Variants in ENAM observed in about 807,000 individuals in gnomAD.
The protein encoded by ENAM is amelogenesis imperfecta 2, hypocalcification (autosomal dominant).
In ENAM, 21 loss-of-function variants were observed where a neutral mutation model predicts 33.6. That is an observed-to-expected ratio of 0.63 (90% CI 0.44 to 0.90). The LOEUF is 0.90. ENAM is among the 40% of genes least tolerant of loss of function. ENAM has a pLI of 0.00. For synonymous variants in ENAM, 473 were observed against 468.4 expected (o/e 1.01, Z -0.13); for missense variants, 1,388 against 1,366.9 (o/e 1.02, Z -0.24).
chr4:70,641,956 A>G, intron 8 of ENAM, 59 bp from the exon 9 acceptor site: 8 of 1,320,038 alleles, frequency 6.1e-6, no homozygotes, highest in Non-Finnish European at 8.8e-6. Context: ...AAAAAATTCC[A>G]AACAACACCA....
Position 70,641,396 on chromosome 4 carries a change from T to A in ENAM, c.589-619T>A, listed in dbSNP as rs57828042. 1.3e-3 allele frequency among the ~76,000 whole-genome samples: 194 copies of A among 150,110 alleles called. 3 individuals carry two copies. The highest frequency in any genetic ancestry group is 4.7e-3 in the African/African-American group (191 of 41,022). On this transcript the variant is annotated intron_variant, in intron 8 of 8. Transcript: ENST00000396073. ...TTTTTTTTTATTTTATTTATTTATT[T>A]ATTTTTTTTTTTGAGATGGAGTCTC...
At chr4:70,630,134 G>A (rs1286834539) in intron 2 of ENAM, among the ~76,000 whole-genome samples, 1 of 152,084 alleles carries the variant, frequency 6.6e-6, no homozygotes, top group Non-Finnish European at 1.5e-5. Flanking sequence ...TCTTTAAATA[G>A]TAGGAAAGGT....
In ENAM at chr4:70,631,852, C is replaced by A. The variant is rs1462318184; in HGVS notation, c.127C>A (p.His43Asn). 1.2e-6 allele frequency: 2 copies of A among 1,613,990 alleles called. No homozygotes were observed. Among genetic ancestry groups the A allele is most frequent in the Non-Finnish European group, 1.7e-6 (2 of 1,179,896 alleles). ...LLGNSVAMPM[H>N]MPRMPGFSSK... is the part of the protein sequence containing the mutation. ...ACTGACATTCTCTTACTTCCAGATGCACATGCCCCGAATGCCTGGATTTAG... is the reference window on the plus strand; with the variant it reads ...ACTGACATTCTCTTACTTCCAGATGAACATGCCCCGAATGCCTGGATTTAG... The change falls in exon 4 of 9, where the codon CAC (histidine) becomes AAC (asparagine). Residue 43 changes from histidine to asparagine, a missense_variant. By Grantham distance (68) the His-to-Asn change is moderately conservative. Coordinates refer to ENST00000396073, the MANE Select transcript of ENAM (RefSeq NM_031889.3).
chr4:70,631,624 A>G, intron 2 of ENAM, 46 bp from the exon 3 acceptor site: 1 of 1,377,260 alleles, frequency 7.3e-7, no homozygotes, highest in Non-Finnish European at 1.0e-6. Context: ...TGCCCTAAGC[A>G]TACTTATTTC....
rs565258194 is a variant in ENAM, at chr4:70,634,360, A to T, written c.263A>T (p.Gln88Leu). The stretch of plus-strand genomic sequence containing the variant: ...AACGGTCTCCCTCAGCAATTTCCAC[A>T]GTACCAGATGCCCATGTGGCCTCAG... ...FGNGLPQQFPQYQMPMWPQPP... is the reference protein window; with the variant it reads ...FGNGLPQQFPLYQMPMWPQPP... The change falls in exon 6 of 9, where the codon CAG becomes CTG. Residue 88 changes from glutamine (Q) to leucine (L), a missense_variant. Transcript: ENST00000396073. 2 of 1,614,054 alleles carry T rather than the reference A, an allele frequency of 1.2e-6. No individual in the cohort carries two copies. Among genetic ancestry groups the T allele is most frequent in the South Asian group, 2.2e-5 (2 of 91,094 alleles).
chr4:70,637,963 G>T (rs995775038), intron 8 of ENAM, 120 bp downstream of exon 8: 6 of 788,688 alleles, frequency 7.6e-6, no homozygotes, highest in Non-Finnish European at 1.3e-5. Flanking sequence ...TCAAGCTTCC[G>T]TGATTTTTAG....
chr4:70,637,908 C>A (rs1403563624), intron 8 of ENAM, 65 bp downstream of exon 8: 6 of 1,155,048 alleles, frequency 5.2e-6, no homozygotes, highest in Non-Finnish European at 7.9e-6. Flanking sequence ...GCTTTTTTAT[C>A]CACATCTAAT....
chr4:70,629,910 C>A (rs1046880770), intron 2 of ENAM, among the ~76,000 whole-genome samples: 1 of 152,086 alleles, frequency 6.6e-6, no homozygotes, highest in Non-Finnish European at 1.5e-5. Flanking sequence ...GTGACAGCTA[C>A]TAGAGAGATG....
rs762200249 is a variant in ENAM at position 70,642,494 on chromosome 4, A to G, written c.1068A>G (p.Gln356=). The change falls in exon 9 of 9, where the codon CAA becomes CAG. Residue 356 remains glutamine, a synonymous_variant. Coordinates refer to ENST00000396073, the MANE Select transcript of ENAM (RefSeq NM_031889.3). ...NRPFYRNQQV[Q]RGPRWNFFAW... is the part of the protein sequence containing the mutation. ...CTTTTTACAGAAATCAACAAGTTCA[A>G]AGGGGTCCTCGGTGGAACTTCTTTG... The G allele has an allele frequency of 6.2e-7, 1 of 1,614,192 alleles. No individual in the cohort carries two copies. Among genetic ancestry groups the G allele is most frequent in the South Asian group, 1.1e-5 (1 of 91,076 alleles).
rs1464671076 is a variant in ENAM, at chr4:70,644,618, G to A, written c.3192G>A (p.Lys1064=). The change falls in exon 9 of 9, where the codon AAG becomes AAA. Residue 1064 remains lysine, a synonymous_variant. Transcript: ENST00000396073. The stretch of plus-strand genomic sequence containing the variant: ...CATGCTTTGGCTCCAAATTAGCAAA[G>A]CATCACTCTTCCACCACCGGAACTC... ...HLPCFGSKLA[K]HHSSTTGTPS... 1 of 1,613,728 alleles carries A rather than the reference G, an allele frequency of 6.2e-7. No individual in the cohort carries two copies. The highest frequency in any genetic ancestry group is 8.5e-7 in the Non-Finnish European group (1 of 1,179,758).
In ENAM at chr4:70,643,316, G is replaced by A. The variant is rs953579486; in HGVS notation, c.1890G>A (p.Met630Ile). 1 of 1,613,652 alleles carries A rather than the reference G, an allele frequency of 6.2e-7. No homozygotes were observed. The highest frequency in any genetic ancestry group is 8.5e-7 in the Non-Finnish European group (1 of 1,179,906). ...WDERDDSPNT[M>I]GQKESPLYPI... ...AGAGAGATGATTCTCCCAATACTAT[G>A]GGGCAAAAAGAAAGTCCACTCTACC... is the stretch of plus-strand genomic sequence containing the variant. The change falls in exon 9 of 9, where the codon ATG becomes ATA. Residue 630 changes from methionine (M) to isoleucine (I), a missense_variant. Met to Ile is a conservative substitution (Grantham distance 10). Transcript: ENST00000396073.
chr4:70,644,439 A>G lies in ENAM; in HGVS notation c.3013A>G (p.Asn1005Asp), dbSNP rs762513011. ...NNILEQVFED[N>D]QLNERTVDLT... ...CATTCTGGAACAAGTTTTTGAAGAC[A>G]ACCAGCTCAATGAAAGAACTGTTGA... Residue 1005 changes from asparagine to aspartate, a missense_variant, in exon 9 of 9, where the codon AAC (asparagine) becomes GAC (aspartate). By Grantham distance (23) the Asn-to-Asp change is conservative. Transcript: ENST00000396073. 6.2e-7 allele frequency: 1 copy of G among 1,614,228 alleles called. No individual in the cohort carries two copies. The highest frequency in any genetic ancestry group is 8.5e-7 in the Non-Finnish European group (1 of 1,180,036).
chr4:70,641,361 CTTTCT>C (rs1381535425), intron 8 of ENAM, among the ~76,000 whole-genome samples: 5 of 150,040 alleles, frequency 3.3e-5, no homozygotes, highest in Non-Finnish European at 4.4e-5. Context: ...TTCTTTCTTT[CTTTCT>C]TTTATTTTTT....
chr4:70,638,295 T>A (rs777852075), intron 8 of ENAM, among the ~76,000 whole-genome samples: 7 of 152,018 alleles, frequency 4.6e-5, no homozygotes, highest in Non-Finnish European at 7.4e-5. Flanking sequence ...ACTCTTAATA[T>A]TCCAGCTCTA....
At position 70,637,860 on chromosome 4, in the gene ENAM, C is replaced by G; in HGVS notation, c.588+17C>G. Reference sequence around the variant, plus strand: ...GAAGGGGGGGTAAGTACAAGTAAAACTACATTCTCCACTAGAAATTACAAT... The same window carrying G: ...GAAGGGGGGGTAAGTACAAGTAAAAGTACATTCTCCACTAGAAATTACAAT... On this transcript the variant is annotated intron_variant, in intron 8 of 8. Transcript: ENST00000396073. 2 of 1,582,332 alleles carry G rather than the reference C, an allele frequency of 1.3e-6. No individual in the cohort carries two copies. Among genetic ancestry groups the G allele is most frequent in the Non-Finnish European group, 1.7e-6 (2 of 1,151,022 alleles).
In ENAM at chr4:70,643,189, C is replaced by A. The variant is rs768681939; in HGVS notation, c.1763C>A (p.Pro588His). ...EDPGRQEEHL[P>H]HPSHGSRGSV... ...CCAGGGAGGCAAGAAGAACATTTACCCCATCCTTCCCATGGTTCTAGAGGA... is the reference window on the plus strand; with the variant it reads ...CCAGGGAGGCAAGAAGAACATTTACACCATCCTTCCCATGGTTCTAGAGGA... Residue 588 changes from proline (P) to histidine (H), a missense_variant, in exon 9 of 9, where the codon CCC (proline) becomes CAC (histidine). Pro to His is a moderately conservative substitution (Grantham distance 77). Coordinates refer to ENST00000396073, the MANE Select transcript of ENAM (RefSeq NM_031889.3). The A allele has an allele frequency of 6.2e-7, 1 of 1,613,480 alleles. No individual in the cohort carries two copies. The highest frequency in any genetic ancestry group is 2.2e-5 in the East Asian group (1 of 44,814).
At position 70,643,312 on chromosome 4, in the gene ENAM, C is replaced by A. The variant is rs1262449830; in HGVS notation, c.1886C>A (p.Thr629Asn). Reference protein sequence around the residue: ...TWDERDDSPNTMGQKESPLYP... With the variant: ...TWDERDDSPNNMGQKESPLYP... ...GATGAGAGAGATGATTCTCCCAATA[C>A]TATGGGGCAAAAAGAAAGTCCACTC... Residue 629 changes from threonine (T) to asparagine (N), a missense_variant, in exon 9 of 9, where the codon ACT (threonine) becomes AAT (asparagine). Thr to Asn is a moderately conservative substitution (Grantham distance 65). Coordinates refer to ENST00000396073, the MANE Select transcript of ENAM (RefSeq NM_031889.3). 1 of 1,613,674 alleles carries A rather than the reference C, an allele frequency of 6.2e-7. No homozygotes were observed. The highest frequency in any genetic ancestry group is 8.5e-7 in the Non-Finnish European group (1 of 1,179,834).
At position 70,643,049 on chromosome 4, in the gene ENAM, C is replaced by T; in HGVS notation, c.1623C>T (p.Ser541=). 2 of 1,613,976 alleles carry T rather than the reference C, an allele frequency of 1.2e-6. No homozygotes were observed. The highest frequency in any genetic ancestry group is 1.7e-6 in the Non-Finnish European group (2 of 1,179,958). ...CTAATCAGTCAGAATTAAAGCACAG[C>T]TCATATCAGCCTGCTGTATACCCTG... is the stretch of plus-strand genomic sequence containing the variant. ...SETNQSELKH[S]SYQPAVYPEE... Residue 541 remains serine, a synonymous_variant, in exon 9 of 9, where the codon AGC becomes AGT. Transcript: ENST00000396073.
At position 70,645,235 on chromosome 4, in the gene ENAM, T is replaced by TGAC; in HGVS notation, c.*380_*381insGAC. On this transcript the variant is annotated 3_prime_UTR_variant, in exon 9 of 9. Transcript: ENST00000396073. ...AAGGCAGATTAACTTTCCATTCTAC[T>TGAC]TATGGAGATCCACACATCAGTATAG... 4.2e-6 allele frequency: 1 copy of TGAC among 239,358 alleles called. No individual in the cohort carries two copies. Among genetic ancestry groups the TGAC allele is most frequent in the Non-Finnish European group, 8.0e-6 (1 of 125,616 alleles). 14.8% of individuals were successfully genotyped at this position (239,358 alleles called of 1,614,324 possible).
Sources: gnomAD v4.1 joint callset for allele counts (sites outside exome capture counted in the v4.1 genomes callset) on GRCh38, gnomAD v4.1.1 for gene constraint, MANE v1.5 for transcripts, NCBI Gene and HGNC (gene_info 2026-07-23, HGNC 2026-07-21) for gene names.